Variants in ABCC8 observed in about 807,000 individuals in gnomAD.
The protein encoded by ABCC8 is ATP binding cassette subfamily C member 8.
A neutral mutation model predicts 188.0 loss-of-function variants in ABCC8; 137 were observed. That is an observed-to-expected ratio of 0.73 (90% CI 0.63 to 0.84). The LOEUF (loss-of-function observed/expected upper bound fraction) is 0.84, where lower values mean the gene tolerates loss of function less well. Among genes scored for constraint, ABCC8 ranks in the 40% least tolerant of loss-of-function variants. The pLI, the probability that ABCC8 is intolerant of heterozygous loss-of-function variation, is 0.00. For synonymous variants in ABCC8, 797 were observed against 846.5 expected, an observed-to-expected ratio of 0.94 and a Z score of 1.01; for missense variants, 1,750 against 2,072.7, an observed-to-expected ratio of 0.84 and a Z score of 3.02.
intron 20 of ABCC8, chr11:17,413,046 G>T: frequency 1.6e-6 from 1 of 633,614 alleles, no homozygotes; most frequent in Non-Finnish European, 2.7e-6. Flanking sequence ...AGTCACAGGA[G>T]AATCCTGTTC....
chr11:17,450,397 TC>T (rs1956759894), intron 7 of ABCC8, among the ~76,000 whole-genome samples: 4 of 104,390 alleles, frequency 3.8e-5, no homozygotes, highest in Non-Finnish European at 4.4e-5. Context: ...TTTCCTTCTT[TC>T]TTTCCTTTTT....
chr11:17,464,226 T>A (rs1848006917), intron 3 of ABCC8, among the ~76,000 whole-genome samples: 1 of 152,202 alleles, frequency 6.6e-6, no homozygotes, highest in South Asian at 2.1e-4. Flanking sequence ...AGAAATAGGA[T>A]GTGACCTTGC....
intron 20 of ABCC8, chr11:17,413,077 C>A: frequency 1.7e-6 from 1 of 600,852 alleles, no homozygotes; most frequent in African/African-American, 1.9e-5. Context: ...GTGGAGGGGA[C>A]CCCATCTGGA....
chr11:17,400,090 G>C (rs1954158562), intron 29 of ABCC8, among the ~76,000 whole-genome samples: 1 of 152,202 alleles, frequency 6.6e-6, no homozygotes, highest in South Asian at 2.1e-4. Flanking sequence ...AGGCACCCAA[G>C]ACGTACCTTA....
intron 10 of ABCC8, chr11:17,435,803 G>A (rs1956069052): frequency 7.7e-7 from 1 of 1,290,874 alleles, no homozygotes; most frequent in Non-Finnish European, 1.1e-6. Context: ...TTCCAGATAT[G>A]ATACATGAGA....
chr11:17,444,569 C>G (rs1956452377), intron 8 of ABCC8, among the ~76,000 whole-genome samples: 1 of 152,224 alleles, frequency 6.6e-6, no homozygotes, highest in Non-Finnish European at 1.5e-5. Context: ...CCATCCCCTC[C>G]TCCTAGGTGC....
intron 7 of ABCC8, 84 bp from the exon 8 acceptor site, chr11:17,448,755 AG>A: frequency 1.2e-6 from 2 of 1,610,694 alleles, no homozygotes; most frequent in East Asian, 4.5e-5. Flanking sequence ...ACAGTGTGCC[AG>A]GGGCTTCTCA....
At chr11:17,428,529 C>G in intron 13 of ABCC8, 36 bp downstream of exon 13, 1 of 1,612,912 alleles carries the variant, frequency 6.2e-7, no homozygotes, top group South Asian at 1.1e-5. Context: ...CTTAGAGGAC[C>G]ATGCTGGGAG....
intron 21 of ABCC8, among the ~76,000 whole-genome samples, chr11:17,411,406 G>C (rs917705562): frequency 2.0e-5 from 3 of 152,242 alleles, no homozygotes; most frequent in African/African-American, 7.2e-5. Flanking sequence ...TAAATCTCAT[G>C]AGAGATCGCG....
chr11:17,407,857 A>G (rs928416880), intron 23 of ABCC8, among the ~76,000 whole-genome samples: 3 of 152,122 alleles, frequency 2.0e-5, no homozygotes, highest in African/African-American at 7.2e-5. Flanking sequence ...GGAAAGAGGC[A>G]CTTTTTTTCT....
At chr11:17,474,766 C>T in intron 2 of ABCC8, 120 bp downstream of exon 2, 1 of 1,140,604 alleles carries the variant, frequency 8.8e-7, no homozygotes, top group Non-Finnish European at 1.3e-6. Flanking sequence ...CACTGAGCTG[C>T]TGGATGTAGT....
At chr11:17,428,912 T>C (rs767435676) in intron 12 of ABCC8, 10 of 643,044 alleles carry the variant, frequency 1.6e-5, no homozygotes, top group Non-Finnish European at 2.6e-5. Flanking sequence ...GATTGGTTAG[T>C]TTTAGGGTTA....
chr11:17,407,523 G>T, intron 23 of ABCC8, 70 bp from the exon 24 acceptor site: 2 of 1,607,176 alleles, frequency 1.2e-6, no homozygotes, highest in South Asian at 2.2e-5. Context: ...GAAGTTAAGG[G>T]GTAACTACTC....
At chr11:17,473,289 C>T (rs1848579718) in intron 2 of ABCC8, among the ~76,000 whole-genome samples, 1 of 152,068 alleles carries the variant, frequency 6.6e-6, no homozygotes, top group African/African-American at 2.4e-5. Flanking sequence ...TGGAGGCGGA[C>T]TTGTCACGTG....
chr11:17,451,414 T>C (rs1281447076), intron 7 of ABCC8, among the ~76,000 whole-genome samples: 1 of 152,228 alleles, frequency 6.6e-6, no homozygotes, highest in Non-Finnish European at 1.5e-5. Context: ...GCTTTCCCAG[T>C]GAGAAACCAC....
intron 16 of ABCC8, among the ~76,000 whole-genome samples, chr11:17,423,467 C>T (rs752129513): frequency 6.6e-5 from 10 of 150,842 alleles, no homozygotes; most frequent in East Asian, 2.0e-4. Flanking sequence ...TGAGTGAATA[C>T]GTCACTGTGG....
chr11:17,450,271 TTTCTTTCTTTC>T (rs1179387663), intron 7 of ABCC8, among the ~76,000 whole-genome samples: 1 of 119,684 alleles, frequency 8.4e-6, no homozygotes, highest in Non-Finnish European at 1.7e-5. Flanking sequence ...TCTTTCTTTC[TTTCTTTCTTTC>T]TTTCTTTCTT....
At chr11:17,411,320 C>G (rs570364573) in intron 21 of ABCC8, among the ~76,000 whole-genome samples, 1 of 152,322 alleles carries the variant, frequency 6.6e-6, no homozygotes, top group Non-Finnish European at 1.5e-5. Context: ...ACGTTTAGTG[C>G]CTGGCACAGA....
Position 17,431,463 on chromosome 11 carries a change from C to T in ABCC8, c.1672-504G>A, listed in dbSNP as rs927810722. Among the ~76,000 whole-genome samples, 34 of 152,326 alleles carry T rather than the reference C, an allele frequency of 2.2e-4. No homozygotes were observed. The Middle Eastern group carries it at 0.014, about 61-fold the overall frequency. ...TTGGAAGTGAATTCCCAAGTGTATC[C>T]GACAGGCTGTGAACTCTACACAGCT... On this transcript the variant is annotated intron_variant, in intron 11 of 38. Coordinates refer to ENST00000389817, the MANE Select transcript of ABCC8 (RefSeq NM_000352.6).
Sources: gnomAD v4.1 joint callset for allele counts (sites outside exome capture counted in the v4.1 genomes callset) on GRCh38, gnomAD v4.1.1 for gene constraint, MANE v1.5 for transcripts, NCBI Gene and HGNC (gene_info 2026-07-23, HGNC 2026-07-21) for gene names.